DNAH7: variants seen among roughly 807,000 people sequenced by gnomAD.
DNAH7 encodes the protein axonemal beta dynein heavy chain 7.
DNAH7 carries 397 observed loss-of-function variants against 444.6 expected under a neutral mutation model. The observed-to-expected ratio is 0.89, with a 90% CI of 0.82 to 0.97. The LOEUF is 0.97. Among genes scored for constraint, DNAH7 ranks in the 50% least tolerant of loss-of-function variants. The pLI, the probability that DNAH7 is intolerant of heterozygous loss-of-function variation, is 0.00. For missense variants in DNAH7, 4,902 were observed against 4,800.8 expected (o/e 1.02, Z -0.62); for synonymous variants, 1,636 against 1,624.4 (o/e 1.01, Z -0.17).
At chr2:195,898,931 T>A (rs1280901049) in intron 28 of DNAH7, among the ~76,000 whole-genome samples, 1 of 152,218 alleles carries the variant, frequency 6.6e-6, no homozygotes, top group Non-Finnish European at 1.5e-5. Flanking sequence ...AATACATTAT[T>A]CAACATCTCA....
intron 28 of DNAH7, among the ~76,000 whole-genome samples, chr2:195,898,840 TCTTAA>T (rs777860948): frequency 7.9e-5 from 12 of 152,234 alleles, no homozygotes; most frequent in Non-Finnish European, 1.0e-4. Context: ...CTGGTTGAAC[TCTTAA>T]CTTGTTACTC....
Position 195,988,228 on chromosome 2 carries a change from T to C in DNAH7, c.1355A>G (p.Glu452Gly). 6.3e-7 allele frequency: 1 copy of C among 1,592,748 alleles called. No individual in the cohort carries two copies. ...CAAGGTTGTTGGTTTAGACTTACTT[T>C]CCTAAACAAGGGGGTAAAAATAATA... ...RVETKLYSKW[E>G]SKSKPTTLKP... Residue 452 changes from glutamate to glycine, a missense_variant and splice_region_variant, in exon 13 of 65, where the codon GAA becomes GGA. Coordinates refer to ENST00000312428, the MANE Select transcript of DNAH7 (RefSeq NM_018897.3).
intron 1 of DNAH7, among the ~76,000 whole-genome samples, chr2:196,067,752 T>C (rs1431434798): frequency 6.6e-6 from 1 of 152,178 alleles, no homozygotes; most frequent in Non-Finnish European, 1.5e-5. Flanking sequence ...AAAAGCATTA[T>C]AAAGCAATAA....
At chr2:195,883,454 C>CA (rs1176011795) in intron 35 of DNAH7, among the ~76,000 whole-genome samples, 23 of 144,680 alleles carry the variant, frequency 1.6e-4, no homozygotes, top group African/African-American at 6.3e-4. Flanking sequence ...TCCCCGCTCC[C>CA]CCCCCCCAAA....
chr2:195,949,043 CT>C (rs1227790269), intron 19 of DNAH7, among the ~76,000 whole-genome samples: 2 of 152,014 alleles, frequency 1.3e-5, no homozygotes, highest in East Asian at 1.9e-4. Flanking sequence ...GTATTTTATT[CT>C]TTTTGTAGGA....
chr2:195,994,884 G>C (rs1029147057), intron 12 of DNAH7: 16 of 398,336 alleles, frequency 4.0e-5, no homozygotes, highest in East Asian at 3.1e-4. Context: ...CTTGACATTG[G>C]GCCAGCATGT....
At chr2:195,848,924 A>G (rs1699182932) in intron 46 of DNAH7, among the ~76,000 whole-genome samples, 1 of 152,192 alleles carries the variant, frequency 6.6e-6, no homozygotes, top group Non-Finnish European at 1.5e-5. Flanking sequence ...TGTTATTTAA[A>G]ATGGTTAAGA....
chr2:195,738,731 TTGAA>T (rs1454906118), intron 64 of DNAH7, among the ~76,000 whole-genome samples: 1 of 152,202 alleles, frequency 6.6e-6, no homozygotes, highest in East Asian at 1.9e-4. Context: ...AGTTTGATCT[TTGAA>T]TGTAAGAGTA....
chr2:195,839,627 C>T (rs1559134745), intron 47 of DNAH7, among the ~76,000 whole-genome samples: 2 of 151,554 alleles, frequency 1.3e-5, no homozygotes, highest in Non-Finnish European at 3.0e-5. Flanking sequence ...GCCAGATTGA[C>T]CAAGAAAATA....
At chr2:195,915,505 T>C (rs1284114132) in intron 24 of DNAH7, among the ~76,000 whole-genome samples, 1 of 152,178 alleles carries the variant, frequency 6.6e-6, no homozygotes, top group Non-Finnish European at 1.5e-5. Context: ...GATATTAAAG[T>C]AGCTAATAGG....
At position 195,886,187 on chromosome 2, in the gene DNAH7, A is replaced by G; in HGVS notation, c.5492T>C (p.Val1831Ala). Residue 1831 changes from valine (V) to alanine (A), a missense_variant, in exon 34 of 65, where the codon GTC (valine) becomes GCC (alanine). Transcript: ENST00000312428. ...DCFMDDFADE[V>A]KLKERNDRET... Reference sequence around the variant, plus strand: ...TCGATCATTTCTCTCCTTTAGTTTGACTTCATCAGCAAAATCATCCATAAA... The same window carrying G: ...TCGATCATTTCTCTCCTTTAGTTTGGCTTCATCAGCAAAATCATCCATAAA... The G allele has an allele frequency of 6.2e-7, 1 of 1,613,888 alleles. No homozygotes were observed. The highest frequency in any genetic ancestry group is 1.7e-5 in the Admixed American group (1 of 59,998).
intron 21 of DNAH7, among the ~76,000 whole-genome samples, chr2:195,932,067 C>A (rs1688735810): frequency 6.6e-6 from 1 of 152,100 alleles, no homozygotes; most frequent in Admixed American, 6.6e-5. Flanking sequence ...ATGGAATGTT[C>A]TTCCATTTGT....
chr2:195,810,338 TG>T (rs1321853372), intron 51 of DNAH7, among the ~76,000 whole-genome samples: 1 of 152,204 alleles, frequency 6.6e-6, no homozygotes, highest in African/African-American at 2.4e-5. Context: ...TCACAAAACT[TG>T]GCAAACTCCA....
Position 195,845,129 on chromosome 2 carries a change from T to C in DNAH7, c.8818A>G (p.Arg2940Gly), listed in dbSNP as rs1370270155. 3 of 1,612,732 alleles carry C rather than the reference T, an allele frequency of 1.9e-6. No individual in the cohort carries two copies. Among genetic ancestry groups the C allele is most frequent in the Non-Finnish European group, 2.5e-6 (3 of 1,179,452 alleles). The change falls in exon 47 of 65, where the codon AGA becomes GGA. Residue 2940 changes from arginine to glycine, a missense_variant. Arg to Gly is a moderately radical substitution (Grantham distance 125). Transcript: ENST00000312428. ...TKEWTTLCKG[R>G]DIPCSDDCSL... ...CAATCATCTGAGCAGGGGATATCTC[T>C]TCCTTTGCACAAAGTTGTCCACTCT...
rs1257367258 is a variant in DNAH7 at position 195,764,697 on chromosome 2, G to A, written c.11433+6963C>T. On this transcript the variant is annotated intron_variant, in intron 61 of 64. Transcript: ENST00000312428. ...ACCAAAGAAGTAAAAAGACCTCTAT[G>A]ATAAAAACTATAAAACACTGGTGAA... Among the ~76,000 whole-genome samples, 3 of 151,788 alleles carry A rather than the reference G, an allele frequency of 2.0e-5. No individual in the cohort carries two copies. The East Asian group carries it at 5.8e-4, about 29-fold the overall frequency.
intron 60 of DNAH7, 85 bp from the exon 61 acceptor site, chr2:195,771,975 A>G (rs1694862928): frequency 5.3e-6 from 6 of 1,142,652 alleles, no homozygotes; most frequent in African/African-American, 4.6e-5. Context: ...GTAAATCTTT[A>G]TAAGAAAGAA....
chr2:195,957,902 T>C (rs894395412), intron 18 of DNAH7, among the ~76,000 whole-genome samples: 1 of 152,164 alleles, frequency 6.6e-6, no homozygotes, highest in African/African-American at 2.4e-5. Flanking sequence ...AAATGAGATT[T>C]TGTTGACAGT....
At chr2:195,781,492 G>A (rs1031011161) in intron 58 of DNAH7, among the ~76,000 whole-genome samples, 1 of 152,168 alleles carries the variant, frequency 6.6e-6, no homozygotes, top group African/African-American at 2.4e-5. Flanking sequence ...TGGTGGGCAT[G>A]TAGATTACTA....
At chr2:195,909,321 T>C (rs533381280) in intron 25 of DNAH7, among the ~76,000 whole-genome samples, 1 of 152,148 alleles carries the variant, frequency 6.6e-6, no homozygotes, top group East Asian at 1.9e-4. Context: ...TTCAAGTGGA[T>C]CATTTTGTGT....
Sources: allele counts gnomAD v4.1 joint callset (sites outside exome capture counted in the v4.1 genomes callset), GRCh38; gene constraint gnomAD v4.1.1; transcripts MANE v1.5; gene names NCBI Gene and HGNC (gene_info 2026-07-23, HGNC 2026-07-21).